PIEZO2: variants seen among roughly 807,000 people sequenced by gnomAD.
PIEZO2 encodes piezo type mechanosensitive ion channel component 2, also known as piezo-type mechanosensitive ion channel component 2.
In PIEZO2, 172 loss-of-function variants were observed where a neutral mutation model predicts 337.3. The observed-to-expected ratio is 0.51, with a 90% CI of 0.45 to 0.58. The LOEUF (loss-of-function observed/expected upper bound fraction) is 0.58. PIEZO2 is among the 20% of genes least tolerant of loss of function. The probability of loss-of-function intolerance (pLI) is 0.00; values close to 1 mark genes in which losing one functional copy is unlikely to be tolerated. For missense variants in PIEZO2, 3,028 were observed against 3,391.3 expected (o/e 0.89, Z 2.66); for synonymous variants, 1,251 against 1,228.5 (o/e 1.02, Z -0.38).
intron 3 of PIEZO2, among the ~76,000 whole-genome samples, chr18:10,957,427 A>G (rs1384144743): frequency 6.6e-6 from 1 of 151,836 alleles, no homozygotes; most frequent in East Asian, 1.9e-4. Flanking sequence ...CAAAGCAACA[A>G]CAACAACAAA....
In PIEZO2 at chr18:10,979,982, G is replaced by C. The variant is rs990100104; in HGVS notation, c.161-322C>G. ...CAAGGAAGTGCTGCCAACTTTGAAG[G>C]GACAGATAACTCCTGTCTTAGAAAA... On this transcript the variant is annotated intron_variant, in intron 2 of 55. Transcript: ENST00000674853. The surrounding 1 kb of genome is among the most constrained non-coding windows in gnomAD (Gnocchi z 4.0). Among the ~76,000 whole-genome samples the C allele has an allele frequency of 6.6e-6, 1 of 151,984 alleles. No individual in the cohort carries two copies. Among genetic ancestry groups the C allele is most frequent in the African/African-American group, 2.4e-5 (1 of 41,344 alleles).
intron 33 of PIEZO2, 75 bp downstream of exon 33, chr18:10,740,956 C>T (rs750020265): frequency 1.2e-4 from 174 of 1,421,022 alleles, no homozygotes; most frequent in Non-Finnish European, 1.5e-4. Flanking sequence ...ACATGGGTCA[C>T]GGGAACGCCT....
intron 2 of PIEZO2, among the ~76,000 whole-genome samples, chr18:11,040,865 A>G (rs181905034): frequency 6.6e-6 from 1 of 152,342 alleles, no homozygotes; most frequent in Admixed American, 6.5e-5. Flanking sequence ...TTCAAACCTC[A>G]AATAACACTT....
At position 10,916,730 on chromosome 18, in the gene PIEZO2, T is replaced by C. The variant is rs116453277; in HGVS notation, c.287-5502A>G. Reference sequence around the variant, plus strand: ...CGGCCAGCCCAGAGACGCGCTCCCATAGTGCAGCAGCGGGCTGAAGGGCTT... The same window carrying C: ...CGGCCAGCCCAGAGACGCGCTCCCACAGTGCAGCAGCGGGCTGAAGGGCTT... On this transcript the variant is annotated intron_variant, in intron 3 of 55. Coordinates refer to ENST00000674853, the MANE Select transcript of PIEZO2 (RefSeq NM_001378183.1). Among the ~76,000 whole-genome samples the C allele has an allele frequency of 3.2e-3, 488 of 152,190 alleles. 4 individuals are homozygous for C. Among genetic ancestry groups the C allele is most frequent in the African/African-American group, 0.01 (418 of 41,542 alleles).
intron 2 of PIEZO2, among the ~76,000 whole-genome samples, chr18:11,022,391 TG>T (rs2036343104): frequency 1.3e-5 from 2 of 152,224 alleles, no homozygotes; most frequent in South Asian, 4.1e-4. Context: ...ATCAGCCTGC[TG>T]GGGGCATGGT....
chr18:11,009,723 G>A lies in PIEZO2; in HGVS notation c.161-30063C>T, dbSNP rs908962957. 6.6e-6 allele frequency among the ~76,000 whole-genome samples: 1 copy of A among 152,132 alleles called. No individual in the cohort carries two copies. The highest frequency in any genetic ancestry group is 1.5e-5 in the Non-Finnish European group (1 of 68,024). ...ACACCCAGTACCTCTGAATGTGACT[G>A]TCTTTTGAGATAGGGCCTTTAAAGA... is the stretch of plus-strand genomic sequence containing the variant. On this transcript the variant is annotated intron_variant, in intron 2 of 55. Coordinates refer to ENST00000674853, the MANE Select transcript of PIEZO2 (RefSeq NM_001378183.1). This position sits in a 1 kb window ranked among gnomAD's most constrained non-coding sequence, Gnocchi z 4.6.
Position 10,759,754 on chromosome 18 carries a change from G to A in PIEZO2, c.3606C>T (p.Ile1202=). 3 of 1,537,336 alleles carry A rather than the reference G, an allele frequency of 2.0e-6. No individual in the cohort carries two copies. Residue 1202 remains isoleucine (I), a synonymous_variant, in exon 25 of 56, where the codon ATC becomes ATT. Transcript: ENST00000674853. The surrounding 1 kb of genome is among the most constrained non-coding windows in gnomAD (Gnocchi z 5.5). The stretch of plus-strand genomic sequence containing the variant: ...CAATGCAGATGAAATACTGGAAGGT[G>A]ATGATGCATGCCAGGAAGCAGCAGT... ...PKYCCFLACI[I]TFQYFICIGI... is the part of the protein sequence containing the mutation.
At chr18:10,885,412 A>G (rs1286070998) in intron 4 of PIEZO2, among the ~76,000 whole-genome samples, 2 of 152,180 alleles carry the variant, frequency 1.3e-5, no homozygotes, top group Non-Finnish European at 2.9e-5. Context: ...CGACAGAGCG[A>G]GACTCTGTCT....
intron 4 of PIEZO2, among the ~76,000 whole-genome samples, chr18:10,889,246 C>T (rs1388711680): frequency 2.0e-5 from 3 of 152,154 alleles, no homozygotes; most frequent in Non-Finnish European, 2.9e-5. Context: ...TGTAACTTGA[C>T]TGTTGAATAA....
At chr18:11,050,171 G>A (rs11080475) in intron 2 of PIEZO2, among the ~76,000 whole-genome samples, 33,590 of 151,928 alleles carry the variant, frequency 0.22, 4,788 homozygotes, top group Non-Finnish European at 0.32. Context: ...AGAAACAGGC[G>A]TCTAATTTTT....
chr18:11,026,285 G>C (rs1485939822), intron 2 of PIEZO2, among the ~76,000 whole-genome samples: 2 of 152,158 alleles, frequency 1.3e-5, no homozygotes, highest in South Asian at 4.2e-4. Flanking sequence ...GTCGCATAGA[G>C]TCAGCTCCAT....
rs191956302 is a variant in PIEZO2 at position 10,806,311 on chromosome 18, T to G, written c.1080+801A>C. The stretch of plus-strand genomic sequence containing the variant: ...ACCCTGTCTACACAGCTTGTCTCCT[T>G]CATGTGTCAATAAGCAACCTTGCAA... On this transcript the variant is annotated intron_variant, in intron 8 of 55. Transcript: ENST00000674853. Among the ~76,000 whole-genome samples, 33 of 152,264 alleles carry G rather than the reference T, an allele frequency of 2.2e-4. 1 individual carries two copies.
chr18:10,770,233 T>G lies in PIEZO2; in HGVS notation c.2861A>C (p.Lys954Thr). The G allele has an allele frequency of 1.3e-6, 2 of 1,537,586 alleles. No homozygotes were observed. Among genetic ancestry groups the G allele is most frequent in the Non-Finnish European group, 1.7e-6 (2 of 1,146,948 alleles). ...LFLKFLEYFH[K>T]LQVFMWWILE... ...AATCCACCACATGAACACCTGCAGC[T>G]TGTGAAAATACTCCAGGAATTTTAA... is the stretch of plus-strand genomic sequence containing the variant. Residue 954 changes from lysine to threonine, a missense_variant, in exon 21 of 56, where the codon AAG (lysine) becomes ACG (threonine). Physicochemically the swap from Lys to Thr is moderately conservative, Grantham distance 78 (BLOSUM62 -1). Coordinates refer to ENST00000674853, the MANE Select transcript of PIEZO2 (RefSeq NM_001378183.1).
chr18:10,765,233 T>C (rs571686759), intron 21 of PIEZO2, among the ~76,000 whole-genome samples: 5 of 152,232 alleles, frequency 3.3e-5, no homozygotes, highest in South Asian at 2.1e-4. Flanking sequence ...GCAGAAGAAA[T>C]AGCAGGTCCA....
chr18:10,798,058 T>G (rs1037904127), intron 11 of PIEZO2, among the ~76,000 whole-genome samples: 2 of 152,190 alleles, frequency 1.3e-5, no homozygotes, highest in Admixed American at 1.3e-4. Context: ...GCCAGCCAGA[T>G]GTCAGCAAGA....
intron 3 of PIEZO2, among the ~76,000 whole-genome samples, chr18:10,928,830 A>G (rs1307985461): frequency 6.6e-6 from 1 of 152,202 alleles, no homozygotes; most frequent in African/African-American, 2.4e-5. Context: ...TTCAAAGAAG[A>G]GGAACATTTG....
intron 3 of PIEZO2, among the ~76,000 whole-genome samples, chr18:10,961,415 G>A (rs951054774): frequency 6.6e-6 from 1 of 152,134 alleles, no homozygotes; most frequent in Admixed American, 6.5e-5. Context: ...TTGTGGGGAA[G>A]TGTGGGAGGA....
At position 10,861,590 on chromosome 18, in the gene PIEZO2, A is replaced by T. The variant is rs1208248864; in HGVS notation, c.493-4379T>A. ...AGTAGAGAGTAGAGGGGTAGTTACC[A>T]GAGGCTGGGGAAGGAGGCCAGGGAC... On this transcript the variant is annotated intron_variant, in intron 5 of 55. Transcript: ENST00000674853. This position sits in a 1 kb window ranked among gnomAD's most constrained non-coding sequence, Gnocchi z 4.3. Among the ~76,000 whole-genome samples, 2 of 152,234 alleles carry T rather than the reference A, an allele frequency of 1.3e-5. No homozygotes were observed. The highest frequency in any genetic ancestry group is 2.4e-5 in the African/African-American group (1 of 41,472).
intron 27 of PIEZO2, among the ~76,000 whole-genome samples, chr18:10,754,299 G>A (rs1446169401): frequency 1.3e-5 from 2 of 152,224 alleles, no homozygotes; most frequent in Non-Finnish European, 2.9e-5. Flanking sequence ...TAACTATCAG[G>A]GCTCTGGCCA....
Sources: allele counts gnomAD v4.1 joint callset (sites outside exome capture counted in the v4.1 genomes callset), GRCh38; gene constraint gnomAD v4.1.1; non-coding constraint Gnocchi (gnomAD v3.1); transcripts MANE v1.5; gene names NCBI Gene and HGNC (gene_info 2026-07-23, HGNC 2026-07-21).